Variants in NAA35 observed in about 807,000 individuals in gnomAD.
NAA35 encodes the protein N-alpha-acetyltransferase 35, NatC auxiliary subunit.
Under a neutral mutation model 101.7 loss-of-function variants are expected in NAA35, and 18 were observed. The observed-to-expected ratio is 0.18, with a 90% CI of 0.12 to 0.26. The LOEUF (loss-of-function observed/expected upper bound fraction) is 0.26. NAA35 is among the 10% of genes least tolerant of loss of function. NAA35 has a pLI of 1.00. For synonymous variants in NAA35, 267 were observed against 273.1 expected, an observed-to-expected ratio of 0.98 and a Z score of 0.22; for missense variants, 601 against 886.8, an observed-to-expected ratio of 0.68 and a Z score of 4.09.
At chr9:85,984,265 G>A (rs184461375) in intron 11 of NAA35, among the ~76,000 whole-genome samples, 259 of 152,268 alleles carry the variant, frequency 1.7e-3, no homozygotes, top group Non-Finnish European at 2.9e-3. Context: ...GGAGGTTGAG[G>A]CTACAGTGAG....
At chr9:85,978,508 C>G (rs1379568696) in intron 11 of NAA35, 127 bp downstream of exon 11, 1 of 636,586 alleles carries the variant, frequency 1.6e-6, no homozygotes. Flanking sequence ...CAGAGACTTA[C>G]AGTGTTTAGG....
intron 14 of NAA35, among the ~76,000 whole-genome samples, chr9:86,009,389 C>A (rs1390933422): frequency 6.6e-6 from 1 of 152,088 alleles, no homozygotes; most frequent in Non-Finnish European, 1.5e-5. Context: ...GTAAAGGAAA[C>A]CACTTTGTGA....
At chr9:85,959,492 T>G (rs1040050304) in intron 4 of NAA35, among the ~76,000 whole-genome samples, 4 of 152,054 alleles carry the variant, frequency 2.6e-5, no homozygotes, top group African/African-American at 9.6e-5. Flanking sequence ...AAAATACTTG[T>G]TGATTTGGCT....
intron 4 of NAA35, among the ~76,000 whole-genome samples, 183 bp from the exon 5 acceptor site, chr9:85,959,610 T>C (rs553587506): frequency 3.9e-5 from 6 of 152,060 alleles, no homozygotes; most frequent in Non-Finnish European, 8.8e-5. Context: ...TATAAGAAGA[T>C]ATATTGTTTT....
chr9:86,016,761 C>A, intron 18 of NAA35, 86 bp downstream of exon 18: 1 of 1,386,292 alleles, frequency 7.2e-7, no homozygotes, highest in South Asian at 1.3e-5. Context: ...GTGAGTTGGT[C>A]ATTATATTTT....
rs536135809 is a variant in NAA35 at position 85,984,977 on chromosome 9, TA to T, written c.877+6603del. Among the ~76,000 whole-genome samples the T allele has an allele frequency of 4.5e-4, 68 of 152,038 alleles. 1 individual carries two copies. In the East Asian group the frequency reaches 0.012, roughly 27 times the overall value. The stretch of plus-strand genomic sequence containing the variant: ...CCAGGTTAAAAAAAGCAAACCTGCA[TA>T]AAAAAATGGGCAAGAGATTTGAACA... On this transcript the variant is annotated intron_variant, in intron 11 of 22. Coordinates refer to ENST00000361671, the MANE Select transcript of NAA35 (RefSeq NM_024635.4).
Position 85,956,415 on chromosome 9 carries a change from ATAGTG to A in NAA35, c.158+30_158+34del, listed in dbSNP as rs774760167. 4.4e-6 allele frequency: 6 copies of A among 1,354,140 alleles called. No homozygotes were observed. The East Asian group carries it at 1.5e-4, about 35-fold the overall frequency. 83.9% of individuals were successfully genotyped at this position (1,354,140 alleles called of 1,614,324 possible). A position where few individuals can be genotyped will look rare whatever the true frequency, so the allele number is the denominator to read the frequency against. On this transcript the variant is annotated intron_variant, in intron 3 of 22. Coordinates refer to ENST00000361671, the MANE Select transcript of NAA35 (RefSeq NM_024635.4). ...AGCTGTAAGTATTTATCCTTTGAAA[ATAGTG>A]TAGTGTAATGTTTCAGTCTGTTTTT...
chr9:85,967,141 C>T (rs1439169708), intron 6 of NAA35, among the ~76,000 whole-genome samples: 1 of 151,438 alleles, frequency 6.6e-6, no homozygotes, highest in Non-Finnish European at 1.5e-5. Flanking sequence ...TCCATCTCAA[C>T]AACAATAACA....
intron 13 of NAA35, among the ~76,000 whole-genome samples, chr9:86,006,652 T>A (rs1430233432): frequency 5.3e-5 from 8 of 152,138 alleles, no homozygotes; most frequent in Non-Finnish European, 1.2e-4. Context: ...GGAGGAGCGT[T>A]TGACCACAAA....
chr9:86,016,722 T>C (rs1832245655), intron 18 of NAA35, 47 bp downstream of exon 18: 3 of 1,574,618 alleles, frequency 1.9e-6, no homozygotes, highest in Non-Finnish European at 1.7e-6. Flanking sequence ...TACTTTAATT[T>C]CTACAGATAA....
intron 11 of NAA35, chr9:85,986,383 C>A (rs1830647917): frequency 1.9e-5 from 9 of 469,022 alleles, no homozygotes; most frequent in South Asian, 1.4e-4. Context: ...GGTGAGGGGA[C>A]AGAAGTGTGT....
intron 2 of NAA35, among the ~76,000 whole-genome samples, chr9:85,949,254 AT>A (rs1828900606): frequency 2.1e-5 from 3 of 144,206 alleles, no homozygotes; most frequent in African/African-American, 7.7e-5. Flanking sequence ...TGTCCTCTGG[AT>A]TTTTTTCTTA....
chr9:85,955,348 A>AT lies in NAA35; in HGVS notation c.125-1011dup, dbSNP rs1296792952. Among the ~76,000 whole-genome samples, 64 of 67,884 alleles carry AT rather than the reference A, an allele frequency of 9.4e-4. 4 individuals are homozygous for AT. The highest frequency in any genetic ancestry group is 5.1e-3 in the African/African-American group (55 of 10,786). 44.5% of individuals were successfully genotyped at this position (67,884 alleles called of 152,430 possible). A position where few individuals can be genotyped will look rare whatever the true frequency, so the allele number is the denominator to read the frequency against. ...TATACATATATATATATATATATAT[A>AT]TATATATATATATTTTTTTTTTTTT... On this transcript the variant is annotated intron_variant, in intron 2 of 22. Coordinates refer to ENST00000361671, the MANE Select transcript of NAA35 (RefSeq NM_024635.4).
intron 6 of NAA35, chr9:85,966,516 C>T (rs1423086491): frequency 4.4e-6 from 3 of 685,552 alleles, no homozygotes; most frequent in Admixed American, 3.6e-5. Context: ...TCACTATAAT[C>T]CAGGAAATAC....
At chr9:85,978,434 A>G in intron 11 of NAA35, 53 bp downstream of exon 11, 1 of 1,256,148 alleles carries the variant, frequency 8.0e-7, no homozygotes, top group Non-Finnish European at 1.2e-6. Flanking sequence ...TATCCAAAAT[A>G]TTTAGTGCTT....
At chr9:85,976,400 T>A (rs1830212853) in intron 8 of NAA35, among the ~76,000 whole-genome samples, 1 of 152,170 alleles carries the variant, frequency 6.6e-6, no homozygotes, top group African/African-American at 2.4e-5. Context: ...TAAAGGAAAA[T>A]ATACTATGTG....
Position 86,019,707 on chromosome 9 carries a change from C to G in NAA35, c.2037+886C>G, listed in dbSNP as rs149302042. ...TAAAAGTTACTGTAACGTGTACATA[C>G]TGTTTTGGGAAGTATATCTTGGGAC... On this transcript the variant is annotated intron_variant, in intron 21 of 22. Transcript: ENST00000361671. Among the ~76,000 whole-genome samples, 12 of 152,216 alleles carry G rather than the reference C, an allele frequency of 7.9e-5. No homozygotes were observed. The East Asian group carries it at 2.3e-3, about 29-fold the overall frequency.
At chr9:85,960,520 T>G in intron 5 of NAA35, among the ~76,000 whole-genome samples, 1 of 152,270 alleles carries the variant, frequency 6.6e-6, no homozygotes, top group East Asian at 1.9e-4. Context: ...TAGTTTTCAC[T>G]TATGTTTTAC....
chr9:85,941,697 G>T, intron 1 of NAA35: 1 of 986,324 alleles, frequency 1.0e-6, no homozygotes, highest in Non-Finnish European at 1.2e-6. Context: ...GGTCCGGGCC[G>T]GCTCTGGCCC....
Sources: gnomAD v4.1 joint callset for allele counts (sites outside exome capture counted in the v4.1 genomes callset) on GRCh38, gnomAD v4.1.1 for gene constraint, MANE v1.5 for transcripts, NCBI Gene and HGNC (gene_info 2026-07-23, HGNC 2026-07-21) for gene names.